Variants in CNBD1 observed in about 807,000 individuals in gnomAD.
CNBD1 encodes the protein cyclic nucleotide binding domain containing 1, also known as cyclic nucleotide-binding domain-containing protein 1.
In CNBD1, 71 loss-of-function variants were observed where a neutral mutation model predicts 54.4. The observed-to-expected ratio is 1.30, with a 90% CI of 1.08 to 1.59. CNBD1 has a LOEUF of 1.59. CNBD1 is among the 40% of genes most tolerant of loss of function. The probability of loss-of-function intolerance (pLI) is 0.00; values close to 1 mark genes in which losing one functional copy is unlikely to be tolerated. For missense variants in CNBD1, 659 were observed against 518.0 expected, an observed-to-expected ratio of 1.27 and a Z score of -2.64; for synonymous variants, 182 against 170.7, an observed-to-expected ratio of 1.07 and a Z score of -0.51.
At chr8:87,215,361 C>T (rs1055597384) in intron 5 of CNBD1, among the ~76,000 whole-genome samples, 4 of 151,986 alleles carry the variant, frequency 2.6e-5, no homozygotes, top group South Asian at 2.1e-4. Flanking sequence ...ATAAGGTGGG[C>T]GGATCACGAG....
At chr8:86,939,902 T>C in intron 4 of CNBD1, 148 bp downstream of exon 4, 1 of 491,036 alleles carries the variant, frequency 2.0e-6, no homozygotes. Flanking sequence ...CACTGGAGAC[T>C]TTGTTTCTAT....
intron 5 of CNBD1, among the ~76,000 whole-genome samples, chr8:87,210,073 GACAGTCTCTTTA>G (rs1284204652): frequency 4.6e-5 from 7 of 152,204 alleles, no homozygotes; most frequent in African/African-American, 1.7e-4. Flanking sequence ...ACAGAGAAAG[GACAGTCTCTTTA>G]ATGAATGGTG....
chr8:87,346,877 C>G (rs1011197489), intron 8 of CNBD1, among the ~76,000 whole-genome samples: 6 of 152,108 alleles, frequency 3.9e-5, no homozygotes, highest in Non-Finnish European at 7.4e-5. Context: ...ATTTTATTGC[C>G]TCACAGGTGG....
chr8:87,320,849 T>C (rs180964654), intron 8 of CNBD1, among the ~76,000 whole-genome samples: 3 of 152,272 alleles, frequency 2.0e-5, no homozygotes, highest in African/African-American at 7.2e-5. Flanking sequence ...TTTATATTCA[T>C]TGCACAGCAA....
At chr8:86,936,719 G>C (rs145009908) in intron 3 of CNBD1, among the ~76,000 whole-genome samples, 373 of 143,916 alleles carry the variant, frequency 2.6e-3, no homozygotes, top group African/African-American at 9.0e-3. Context: ...CTCCAGCCTA[G>C]GTGACAGAGC....
intron 4 of CNBD1, among the ~76,000 whole-genome samples, chr8:87,066,254 G>T (rs1199314179): frequency 6.6e-6 from 1 of 151,908 alleles, no homozygotes; most frequent in East Asian, 1.9e-4. Context: ...ATAAATGATT[G>T]AAACAAAGAT....
rs149249327 is a variant in CNBD1, at chr8:87,164,279, T to G, written c.432-41714T>G. 7.8e-3 allele frequency among the ~76,000 whole-genome samples: 1,184 copies of G among 152,028 alleles called. 16 individuals are homozygous for G. Among genetic ancestry groups the G allele is most frequent in the African/African-American group, 0.027 (1,104 of 41,546 alleles). Reference sequence around the variant, plus strand: ...TTATTTTTTTGTAAAGTCTTTGTCTTTGCTATCAGGGTAATGCTGGCCTCC... The same window carrying G: ...TTATTTTTTTGTAAAGTCTTTGTCTGTGCTATCAGGGTAATGCTGGCCTCC... On this transcript the variant is annotated intron_variant, in intron 4 of 10. Transcript: ENST00000518476.
chr8:87,279,057 A>G (rs964079083), intron 6 of CNBD1, among the ~76,000 whole-genome samples: 3 of 151,258 alleles, frequency 2.0e-5, no homozygotes, highest in African/African-American at 4.8e-5. Flanking sequence ...ATTTTTGTTA[A>G]TCTTTTATTG....
At chr8:86,887,338 A>T (rs925217812) in intron 1 of CNBD1, among the ~76,000 whole-genome samples, 65 of 152,312 alleles carry the variant, frequency 4.3e-4, no homozygotes, top group African/African-American at 1.5e-3. Flanking sequence ...CAGATTTGAC[A>T]TCAATAAAAA....
chr8:87,008,524 CTTTT>C (rs1809149720), intron 4 of CNBD1, among the ~76,000 whole-genome samples: 4 of 152,158 alleles, frequency 2.6e-5, no homozygotes, highest in Non-Finnish European at 5.9e-5. Context: ...CTGGGGTTTA[CTTTT>C]AATGCATGTC....
rs945119473 is a variant in CNBD1 at position 87,324,067 on chromosome 8, G to A, written c.1043-27618G>A. ...CTGCATCTATTGAGATAATCATGTG[G>A]TTTTTGTCTTTGGCTCTTTTTATAT... On this transcript the variant is annotated intron_variant, in intron 8 of 10. Transcript: ENST00000518476. Among the ~76,000 whole-genome samples the A allele has an allele frequency of 7.2e-5, 9 of 125,480 alleles. No homozygotes were observed. In the South Asian group the frequency reaches 1.2e-3, roughly 16 times the overall value. 82.3% of individuals were successfully genotyped at this position (125,480 alleles called of 152,430 possible). A position where few individuals can be genotyped will look rare whatever the true frequency, so the allele number is the denominator to read the frequency against.
chr8:87,321,778 A>G (rs1809539483), intron 8 of CNBD1, among the ~76,000 whole-genome samples: 1 of 147,428 alleles, frequency 6.8e-6, no homozygotes, highest in Non-Finnish European at 1.5e-5. Flanking sequence ...GACCAATGTC[A>G]TCAGGCTTTT....
chr8:87,351,820 T>A (rs377168156), intron 9 of CNBD1, 26 bp downstream of exon 9: 103 of 1,429,540 alleles, frequency 7.2e-5, no homozygotes, highest in Non-Finnish European at 9.0e-5. Flanking sequence ...GTATTCTTTT[T>A]AATCAATTAA....
At chr8:87,169,406 A>C (rs1382048834) in intron 4 of CNBD1, among the ~76,000 whole-genome samples, 3 of 151,842 alleles carry the variant, frequency 2.0e-5, no homozygotes. Flanking sequence ...AAGCTTTTTA[A>C]CTTGATGTGA....
At chr8:87,340,706 G>T (rs1451651871) in intron 8 of CNBD1, among the ~76,000 whole-genome samples, 3 of 151,922 alleles carry the variant, frequency 2.0e-5, no homozygotes, top group Non-Finnish European at 2.9e-5. Flanking sequence ...AAAGTCTGCT[G>T]TTAATCCCCT....
chr8:87,417,903 A>T (rs1807862618), intron 2 of CNBD1, among the ~76,000 whole-genome samples: 1 of 151,912 alleles, frequency 6.6e-6, no homozygotes, highest in Non-Finnish European at 1.5e-5. Context: ...GAAATAAATT[A>T]GAGAAAACAT....
At chr8:87,330,354 G>C (rs929152640) in intron 8 of CNBD1, among the ~76,000 whole-genome samples, 14 of 149,308 alleles carry the variant, frequency 9.4e-5, no homozygotes, top group African/African-American at 3.5e-4. Flanking sequence ...ATTAATTTTG[G>C]CTCTCATTTT....
chr8:87,262,410 T>G (rs752433979), intron 6 of CNBD1, among the ~76,000 whole-genome samples: 9 of 152,172 alleles, frequency 5.9e-5, no homozygotes, highest in Non-Finnish European at 1.2e-4. Flanking sequence ...TTGTTTTTTC[T>G]AGGTGTGTCT....
rs567971706 is a variant in CNBD1 at position 87,332,163 on chromosome 8, C to G, written c.1043-19522C>G. Among the ~76,000 whole-genome samples, 62 of 152,190 alleles carry G rather than the reference C, an allele frequency of 4.1e-4. No homozygotes were observed. The South Asian group carries it at 0.012, about 30-fold the overall frequency. On this transcript the variant is annotated intron_variant, in intron 8 of 10. Transcript: ENST00000518476. ...AGGAGTTCGAGATCAGCCTGGCCAA[C>G]ATGGGGAAACCCCGTCTCTATTAAA...
Sources: allele counts gnomAD v4.1 joint callset (sites outside exome capture counted in the v4.1 genomes callset), GRCh38; gene constraint gnomAD v4.1.1; transcripts MANE v1.5; gene names NCBI Gene and HGNC (gene_info 2026-07-23, HGNC 2026-07-21).